APC2: variants seen among roughly 807,000 people sequenced by gnomAD.
The protein encoded by APC2 is adenomatous polyposis coli protein 2.
In APC2, 41 loss-of-function variants were observed where a neutral mutation model predicts 72.5. The observed-to-expected ratio is 0.57, with a 90% confidence interval of 0.44 to 0.73. The LOEUF (loss-of-function observed/expected upper bound fraction) is 0.73. Ranked by LOEUF, APC2 falls within the 30% of genes least tolerant of loss-of-function variation. The probability of loss-of-function intolerance (pLI) is 0.00; values close to 1 mark genes in which losing one functional copy is unlikely to be tolerated. For missense variants in APC2, 3,729 were observed against 3,403.4 expected (o/e 1.10, Z -2.38); for synonymous variants, 1,898 against 1,612.0 (o/e 1.18, Z -4.25).
chr19:1,460,619 TCA>T (rs1435574566), intron 11 of APC2, among the ~76,000 whole-genome samples, 159 bp from the exon 12 acceptor site: 1 of 152,218 alleles, frequency 6.6e-6, no homozygotes, highest in Non-Finnish European at 1.5e-5. Context: ...TGTCTGGGCC[TCA>T]GTTTCCCGAC....
At chr19:1,448,892 T>C (rs544743913), upstream of APC2, among the ~76,000 whole-genome samples, 1 of 151,034 alleles carries the variant, frequency 6.6e-6, no homozygotes, top group East Asian at 1.9e-4. Flanking sequence ...AAAGATCCCC[T>C]GTGTCTGCCC....
In APC2 at chr19:1,471,834, G is replaced by C. The variant is rs370861787; in HGVS notation, c.*1621G>C. ...AAGGAGCTGTCCTCAACTCAGGGCCGCTGTGAGCAAAGCTGACCCCAGCCC... is the reference window on the plus strand; with the variant it reads ...AAGGAGCTGTCCTCAACTCAGGGCCCCTGTGAGCAAAGCTGACCCCAGCCC... On this transcript the variant is annotated 3_prime_UTR_variant, in exon 15 of 15. Transcript: ENST00000590469. 6.6e-6 allele frequency: 1 copy of C among 152,430 alleles called. No individual in the cohort carries two copies. Among genetic ancestry groups the C allele is most frequent in the Admixed American group, 6.6e-5 (1 of 15,260 alleles). 9.4% of individuals were successfully genotyped at this position (152,430 alleles called of 1,614,324 possible). A position where few individuals can be genotyped will look rare whatever the true frequency, so the allele number is the denominator to read the frequency against.
At position 1,456,347 on chromosome 19, in the gene APC2, C is replaced by A; in HGVS notation, c.759C>A (p.Pro253=). 1 of 1,609,486 alleles carries A rather than the reference C, an allele frequency of 6.2e-7. No homozygotes were observed. Residue 253 remains proline (P), a synonymous_variant, in exon 8 of 15, where the codon CCC becomes CCA. Transcript: ENST00000590469. ...AVKSVPVDED[P]ETEVPTHPED... ...AGTCGGTGCCGGTGGACGAGGACCC[C>A]GAGACAGAGGTCCCCACACACCCTG...
Position 1,457,238 on chromosome 19 carries a change from G to C in APC2, c.1202G>C (p.Gly401Ala). 3.3e-6 allele frequency: 5 copies of C among 1,527,342 alleles called. No individual in the cohort carries two copies. The highest frequency in any genetic ancestry group is 4.4e-6 in the Non-Finnish European group (5 of 1,141,358). 94.6% of individuals were successfully genotyped at this position (1,527,342 alleles called of 1,614,324 possible). Residue 401 changes from glycine to alanine, a missense_variant, in exon 9 of 15, where the codon GGC (glycine) becomes GCC (alanine). Gly to Ala is a moderately conservative substitution (Grantham distance 60, BLOSUM62 0). Transcript: ENST00000590469. ...GGCGGGCCCGAGGGAGGTGGCGCCGGCAGCGGTGAGTGCCTGGCCTGGTGG... is the reference window on the plus strand; with the variant it reads ...GGCGGGCCCGAGGGAGGTGGCGCCGCCAGCGGTGAGTGCCTGGCCTGGTGG... Reference protein sequence around the residue: ...RDGGPEGGGAGSAPIPIEPQI... With the variant: ...RDGGPEGGGAASAPIPIEPQI...
At position 1,469,524 on chromosome 19, in the gene APC2, C is replaced by T. The variant is rs1477317998; in HGVS notation, c.6223C>T (p.Arg2075Cys). The T allele has an allele frequency of 8.5e-7, 1 of 1,169,846 alleles. No homozygotes were observed. 72.5% of individuals were successfully genotyped at this position (1,169,846 alleles called of 1,614,324 possible). Residue 2075 changes from arginine to cysteine, a missense_variant, in exon 15 of 15, where the codon CGC becomes TGC. By Grantham distance (180) the Arg-to-Cys change is radical. Coordinates refer to ENST00000590469, the MANE Select transcript of APC2 (RefSeq NM_005883.3). ...RPSPGERPAR[R>C]TTSESPSRLP... ...CAGCCCTGGCGAGCGCCCTGCCCGG[C>T]GCACCACCTCCGAGAGCCCGTCCCG...
At chr19:1,462,962 T>C (rs1340861106) in intron 14 of APC2, among the ~76,000 whole-genome samples, 1 of 136,026 alleles carries the variant, frequency 7.4e-6, no homozygotes, top group Non-Finnish European at 1.5e-5. Context: ...CAGAGCAAGA[T>C]TCCGTCTTAA....
intron 11 of APC2, among the ~76,000 whole-genome samples, chr19:1,460,522 C>T (rs903725645): frequency 6.6e-6 from 1 of 152,250 alleles, no homozygotes; most frequent in African/African-American, 2.4e-5. Flanking sequence ...CTGGCGGTGT[C>T]CTCACGCCCA....
chr19:1,455,347 C>G, intron 5 of APC2, 37 bp from the exon 6 acceptor site: 1 of 1,597,454 alleles, frequency 6.3e-7, no homozygotes, highest in South Asian at 1.1e-5. Flanking sequence ...CTGGCCCGGG[C>G]GCCCCTCACC....
At position 1,466,958 on chromosome 19, in the gene APC2, G is replaced by A; in HGVS notation, c.3657G>A (p.Ala1219=). ...SRSKTPPLAP[A]PQGPPEATQF... is the part of the protein sequence containing the mutation. ...GCAAGACGCCACCGCTGGCGCCCGC[G>A]CCACAGGGTCCCCCCGAGGCCACCC... The change falls in exon 15 of 15, where the codon GCG becomes GCA. Residue 1219 remains alanine, a synonymous_variant. Coordinates refer to ENST00000590469, the MANE Select transcript of APC2 (RefSeq NM_005883.3). 2 of 1,604,572 alleles carry A rather than the reference G, an allele frequency of 1.2e-6. No homozygotes were observed. The highest frequency in any genetic ancestry group is 1.7e-6 in the Non-Finnish European group (2 of 1,176,004).
intron 11 of APC2, 117 bp from the exon 12 acceptor site, chr19:1,460,663 T>C (rs2145211188): frequency 3.6e-6 from 4 of 1,111,718 alleles, no homozygotes; most frequent in Non-Finnish European, 5.2e-6. Context: ...CCGGTAGTGG[T>C]CAGGATCAGC....
chr19:1,460,048 C>A, intron 10 of APC2, 133 bp from the exon 11 acceptor site: 1 of 1,255,468 alleles, frequency 8.0e-7, no homozygotes, highest in Non-Finnish European at 1.1e-6. Flanking sequence ...AGGTCTCAGA[C>A]TTGGGCCTGG....
chr19:1,465,500 G>A lies in APC2; in HGVS notation c.2199G>A (p.Arg733=), dbSNP rs1443804684. The A allele has an allele frequency of 1.3e-6, 2 of 1,524,212 alleles. No individual in the cohort carries two copies. Among genetic ancestry groups the A allele is most frequent in the African/African-American group, 1.4e-5 (1 of 71,812 alleles). 94.4% of individuals were successfully genotyped at this position (1,524,212 alleles called of 1,614,324 possible). Residue 733 remains arginine (R), a synonymous_variant, in exon 15 of 15, where the codon CGG becomes CGA. Transcript: ENST00000590469. The stretch of plus-strand genomic sequence containing the variant: ...CGCTGGAGGCCGAGCTGGACGCACG[G>A]CACCTCGCGCAGGCGCTGGAGCACC... ...QRALEAELDA[R]HLAQALEHLE...
Position 1,470,779 on chromosome 19 carries a change from G to C in APC2, c.*566G>C, listed in dbSNP as rs1429651723. On this transcript the variant is annotated 3_prime_UTR_variant, in exon 15 of 15. Coordinates refer to ENST00000590469, the MANE Select transcript of APC2 (RefSeq NM_005883.3). The stretch of plus-strand genomic sequence containing the variant: ...ATTGTTTTCATTCTCAGCCCCAGCT[G>C]TGGGAGTGCGGGTGGGGGTGTGGCC... The C allele has an allele frequency of 1.3e-5, 2 of 152,330 alleles. No individual in the cohort carries two copies. The highest frequency in any genetic ancestry group is 3.9e-4 in the East Asian group (2 of 5,184). The allele number at this position is 152,330 out of a possible 1,614,324, so 9.4% of individuals were successfully genotyped here.
At position 1,468,096 on chromosome 19, in the gene APC2, C is replaced by G; in HGVS notation, c.4795C>G (p.Pro1599Ala). The change falls in exon 15 of 15, where the codon CCA (proline) becomes GCA (alanine). Residue 1599 changes from proline to alanine, a missense_variant. Physicochemically the swap from Pro to Ala is conservative, Grantham distance 27. Coordinates refer to ENST00000590469, the MANE Select transcript of APC2 (RefSeq NM_005883.3). The stretch of plus-strand genomic sequence containing the variant: ...GCCCTCGGAGCCGCCGGCCGTCCAT[C>G]CACGAGGCCGGGAGCCCGCGGTCAC... ...PEPSEPPAVH[P>A]RGREPAVTKD... 6.5e-7 allele frequency: 1 copy of G among 1,535,908 alleles called. No individual in the cohort carries two copies. The highest frequency in any genetic ancestry group is 2.6e-5 in the East Asian group (1 of 38,844).
In APC2 at chr19:1,468,579, A is replaced by C. The variant is rs748189957; in HGVS notation, c.5278A>C (p.Lys1760Gln). The C allele has an allele frequency of 2.4e-5, 39 of 1,600,248 alleles. No homozygotes were observed. The highest frequency in any genetic ancestry group is 3.2e-5 in the Non-Finnish European group (37 of 1,171,712). The change falls in exon 15 of 15, where the codon AAG (lysine) becomes CAG (glutamine). Residue 1760 changes from lysine (K) to glutamine (Q), a missense_variant. Transcript: ENST00000590469. ...RPEKRGAASV[K>Q]TSGSPRSPAG... ...AGAGAAAAGGGGCGCAGCCTCAGTCAAGACCAGCGGGAGCCCCCGTTCCCC... is the reference window on the plus strand; with the variant it reads ...AGAGAAAAGGGGCGCAGCCTCAGTCCAGACCAGCGGGAGCCCCCGTTCCCC...
intron 14 of APC2, 150 bp from the exon 15 acceptor site, chr19:1,465,005 T>C: frequency 1.4e-6 from 1 of 691,736 alleles, no homozygotes; most frequent in East Asian, 3.1e-5. Flanking sequence ...CATGCAATCT[T>C]TGGGATATAC....
Position 1,467,432 on chromosome 19 carries a change from G to T in APC2, c.4131G>T (p.Val1377=). The change falls in exon 15 of 15, where the codon GTG becomes GTT. Residue 1377 remains valine (V), a synonymous_variant. Coordinates refer to ENST00000590469, the MANE Select transcript of APC2 (RefSeq NM_005883.3). ...RALPVPVYML[V]PAPAPAQEDD... is the part of the protein sequence containing the mutation. ...TCCCCGTGCCCGTCTACATGTTGGT[G>T]CCCGCCCCGGCCCCGGCCCAGGAGG... is the stretch of plus-strand genomic sequence containing the variant. 1.4e-6 allele frequency: 2 copies of T among 1,480,278 alleles called. No homozygotes were observed. Among genetic ancestry groups the T allele is most frequent in the Non-Finnish European group, 8.9e-7 (1 of 1,119,906 alleles). The allele number at this position is 1,480,278 out of a possible 1,614,324, so 91.7% of individuals were successfully genotyped here. A position where few individuals can be genotyped will look rare whatever the true frequency, so the allele number is the denominator to read the frequency against.
At chr19:1,461,816 C>A in intron 13 of APC2, 147 bp from the exon 14 acceptor site, 2 of 663,840 alleles carry the variant, frequency 3.0e-6, no homozygotes, top group Non-Finnish European at 5.0e-6. Flanking sequence ...CTCGCCACTG[C>A]ACTCCAGCCT....
chr19:1,469,720 C>A lies in APC2; in HGVS notation c.6419C>A (p.Ala2140Asp). ...GAGCCCCGGCCGCTCCCCAGGGTGGCCGCGCCGGGCACGACCTGGCGGCGC... is the reference window on the plus strand; with the variant it reads ...GAGCCCCGGCCGCTCCCCAGGGTGGACGCGCCGGGCACGACCTGGCGGCGC... Reference protein sequence around the residue: ...DGEPRPLPRVAAPGTTWRRIR... With the variant: ...DGEPRPLPRVDAPGTTWRRIR... Residue 2140 changes from alanine (A) to aspartate (D), a missense_variant, in exon 15 of 15, where the codon GCC becomes GAC. By Grantham distance (126) the Ala-to-Asp change is moderately radical (BLOSUM62 -2). Transcript: ENST00000590469. 1 of 1,451,156 alleles carries A rather than the reference C, an allele frequency of 6.9e-7. No homozygotes were observed. The highest frequency in any genetic ancestry group is 9.0e-7 in the Non-Finnish European group (1 of 1,108,670). 89.9% of individuals were successfully genotyped at this position (1,451,156 alleles called of 1,614,324 possible). A position where few individuals can be genotyped will look rare whatever the true frequency, so the allele number is the denominator to read the frequency against.
Sources: allele counts gnomAD v4.1 joint callset (sites outside exome capture counted in the v4.1 genomes callset), GRCh38; gene constraint gnomAD v4.1.1; transcripts MANE v1.5; gene names NCBI Gene and HGNC (gene_info 2026-07-23, HGNC 2026-07-21).